Variants in FHIT observed in about 807,000 individuals in gnomAD.
FHIT encodes the protein fragile histidine triad diadenosine triphosphatase.
In FHIT, 19 loss-of-function variants were observed where a neutral mutation model predicts 17.9. That is an observed-to-expected ratio of 1.06 (90% CI 0.74 to 1.56). FHIT has a LOEUF of 1.56. Ranked by LOEUF, FHIT falls within the 40% of genes most tolerant of loss-of-function variation. The pLI, the probability that FHIT is intolerant of heterozygous loss-of-function variation, is 0.00. For synonymous variants in FHIT, 81 were observed against 69.7 expected, an observed-to-expected ratio of 1.16 and a Z score of -0.81; for missense variants, 248 against 189.2, an observed-to-expected ratio of 1.31 and a Z score of -1.82.
At chr3:61,206,608 C>G (rs745947000) in intron 1 of FHIT, among the ~76,000 whole-genome samples, 2 of 152,014 alleles carry the variant, frequency 1.3e-5, no homozygotes, top group East Asian at 1.9e-4. Context: ...CTCATGATTT[C>G]ACTCTCTGTT....
At chr3:61,086,856 A>C (rs1411706266) in intron 2 of FHIT, among the ~76,000 whole-genome samples, 1 of 151,620 alleles carries the variant, frequency 6.6e-6, no homozygotes, top group South Asian at 2.1e-4. Context: ...GCTGATAAAA[A>C]CTCCATATTC....
At chr3:60,768,133 G>A (rs1217057225) in intron 4 of FHIT, among the ~76,000 whole-genome samples, 17 of 152,162 alleles carry the variant, frequency 1.1e-4, no homozygotes, top group African/African-American at 4.1e-4. Context: ...AAAGGACATT[G>A]AAGAAGAAAA....
At chr3:60,353,248 T>A (rs1699500676) in intron 5 of FHIT, among the ~76,000 whole-genome samples, 1 of 152,120 alleles carries the variant, frequency 6.6e-6, no homozygotes, top group Non-Finnish European at 1.5e-5. Flanking sequence ...ACCTCTTCCA[T>A]CGGCCCTAAA....
chr3:60,640,427 G>C (rs569929959), intron 4 of FHIT, among the ~76,000 whole-genome samples: 12 of 152,276 alleles, frequency 7.9e-5, no homozygotes, highest in African/African-American at 2.9e-4. Flanking sequence ...ATATCTTGCA[G>C]AGCAGGTGTT....
At chr3:59,986,540 T>C (rs867593878) in intron 7 of FHIT, among the ~76,000 whole-genome samples, 5,524 of 11,978 alleles carry the variant, frequency 0.46, 833 homozygotes, top group Middle Eastern at 0.55. Context: ...TATATATATA[T>C]ACACACACAC....
Position 59,869,484 on chromosome 3 carries a change from C to CTT in FHIT, c.348+52860_348+52861dup, listed in dbSNP as rs59589849. 7.6e-5 allele frequency among the ~76,000 whole-genome samples: 8 copies of CTT among 105,454 alleles called. 1 individual carries two copies. Among genetic ancestry groups the CTT allele is most frequent in the African/African-American group, 2.1e-4 (5 of 24,116 alleles). The allele number at this position is 105,454 out of a possible 152,430, so 69.2% of individuals were successfully genotyped here. On this transcript the variant is annotated intron_variant, in intron 8 of 9. Transcript: ENST00000492590. ...ATTCCATCTTTCCTTAAAGAACATC[C>CTT]TTTTTTTTTTTTTTTTAGACAGAGT...
chr3:61,124,497 T>A (rs2036552817), intron 2 of FHIT, among the ~76,000 whole-genome samples: 1 of 152,078 alleles, frequency 6.6e-6, no homozygotes, highest in Non-Finnish European at 1.5e-5. Flanking sequence ...TAATACATAT[T>A]CTCATGGTGG....
At chr3:60,629,678 G>A (rs1311176196) in intron 4 of FHIT, among the ~76,000 whole-genome samples, 3 of 152,164 alleles carry the variant, frequency 2.0e-5, no homozygotes, top group East Asian at 3.9e-4. Context: ...AAGCTGAGTA[G>A]CCGTCACTGG....
At chr3:60,951,674 C>T (rs541400206) in intron 3 of FHIT, among the ~76,000 whole-genome samples, 5 of 152,146 alleles carry the variant, frequency 3.3e-5, no homozygotes, top group South Asian at 2.1e-4. Flanking sequence ...TCGGAGCAAA[C>T]GGGAAATGGG....
At chr3:60,408,939 G>A (rs1286337515) in intron 5 of FHIT, among the ~76,000 whole-genome samples, 1 of 152,080 alleles carries the variant, frequency 6.6e-6, no homozygotes, top group Non-Finnish European at 1.5e-5. Context: ...TCCAGCAGAT[G>A]ACAGCAAAAA....
intron 3 of FHIT, among the ~76,000 whole-genome samples, chr3:60,924,292 A>C (rs1162454197): frequency 6.6e-6 from 1 of 152,162 alleles, no homozygotes; most frequent in Admixed American, 6.5e-5. Context: ...GAGTAGCCTA[A>C]CTGGCAGGCA....
intron 4 of FHIT, among the ~76,000 whole-genome samples, chr3:60,812,056 C>G (rs1701586251): frequency 6.6e-6 from 1 of 152,060 alleles, no homozygotes; most frequent in Non-Finnish European, 1.5e-5. Context: ...CTGCCCCAGG[C>G]TAGGTGAAGA....
chr3:60,798,546 T>C (rs947147535), intron 4 of FHIT, among the ~76,000 whole-genome samples: 15 of 152,158 alleles, frequency 9.9e-5, no homozygotes, highest in Admixed American at 8.5e-4. Flanking sequence ...GATTTGTTAA[T>C]TTTTAAATAT....
chr3:60,883,433 G>C (rs1460530793), intron 3 of FHIT, among the ~76,000 whole-genome samples: 6 of 152,206 alleles, frequency 3.9e-5, no homozygotes, highest in Admixed American at 1.3e-4. Flanking sequence ...AAAGAACAAA[G>C]CTGGAGGTAG....
At position 59,853,917 on chromosome 3, in the gene FHIT, C is replaced by T. The variant is rs117328489; in HGVS notation, c.348+68429G>A. Among the ~76,000 whole-genome samples, 257 of 152,232 alleles carry T rather than the reference C, an allele frequency of 1.7e-3. 7 individuals carry two copies. In the East Asian group the frequency reaches 0.045, roughly 26 times the overall value. On this transcript the variant is annotated intron_variant, in intron 8 of 9. Coordinates refer to ENST00000492590, the MANE Select transcript of FHIT (RefSeq NM_002012.4). ...AAGTCATGGAATCTCAGTGCTCCTT[C>T]GTTGCAATCCACACTCCTGCTACAA...
chr3:61,139,357 A>G (rs972859939), intron 2 of FHIT, among the ~76,000 whole-genome samples: 1 of 152,148 alleles, frequency 6.6e-6, no homozygotes, highest in Non-Finnish European at 1.5e-5. Flanking sequence ...AGACCAGTAC[A>G]TCTTTGCTAT....
intron 4 of FHIT, among the ~76,000 whole-genome samples, chr3:60,632,235 T>C (rs1418828751): frequency 2.0e-5 from 3 of 152,056 alleles, no homozygotes; most frequent in Non-Finnish European, 2.9e-5. Flanking sequence ...AAAGAGTAAA[T>C]GATGTATGAG....
At chr3:61,097,324 CAT>C (rs1477557887) in intron 2 of FHIT, among the ~76,000 whole-genome samples, 2 of 152,162 alleles carry the variant, frequency 1.3e-5, no homozygotes. Context: ...ACATGTACCA[CAT>C]GTTCTTTATC....
chr3:60,614,809 G>GTTTTTTTTTTTTT (rs147892145), intron 4 of FHIT, among the ~76,000 whole-genome samples: 1 of 78,224 alleles, frequency 1.3e-5, no homozygotes, highest in Non-Finnish European at 2.4e-5. Context: ...TGCAAAAGTT[G>GTTTTTTTTTTTTT]TTTTTTTTTT....
Sources: allele counts gnomAD v4.1 joint callset (sites outside exome capture counted in the v4.1 genomes callset), GRCh38; gene constraint gnomAD v4.1.1; transcripts MANE v1.5; gene names NCBI Gene and HGNC (gene_info 2026-07-23, HGNC 2026-07-21).